The following TMTC2 variants were observed in gnomAD, a reference collection of about 807,000 sequenced individuals.
The protein encoded by TMTC2 is transmembrane O-mannosyltransferase targeting cadherins 2.
Under a neutral mutation model 82.4 loss-of-function variants are expected in TMTC2, and 43 were observed. That is an observed-to-expected ratio of 0.52 (90% CI 0.41 to 0.67). The LOEUF (loss-of-function observed/expected upper bound fraction) is 0.67, where lower values mean the gene tolerates loss of function less well. Among genes scored for constraint, TMTC2 ranks in the 30% least tolerant of loss-of-function variants. TMTC2 has a pLI of 0.00. For missense variants in TMTC2, 919 were observed against 1,012.4 expected (o/e 0.91, Z 1.25); for synonymous variants, 408 against 381.9 (o/e 1.07, Z -0.80).
At chr12:83,026,817 T>G (rs780576668) in intron 8 of TMTC2, among the ~76,000 whole-genome samples, 7 of 151,862 alleles carry the variant, frequency 4.6e-5, no homozygotes, top group Admixed American at 2.6e-4. Flanking sequence ...GGAGAGATGC[T>G]GCTTGCCTTG....
At chr12:82,927,695 C>A (rs951757436) in intron 3 of TMTC2, among the ~76,000 whole-genome samples, 3 of 152,198 alleles carry the variant, frequency 2.0e-5, no homozygotes, top group African/African-American at 7.2e-5. Flanking sequence ...GAAATTGTCA[C>A]AGCCACTCCA....
intron 2 of TMTC2, among the ~76,000 whole-genome samples, chr12:82,882,371 A>C (rs181285055): frequency 6.6e-6 from 1 of 152,250 alleles, no homozygotes; most frequent in Admixed American, 6.5e-5. Flanking sequence ...ATATCTTTCT[A>C]TATCAAAGGG....
chr12:83,003,670 T>C (rs1408963861), intron 8 of TMTC2, among the ~76,000 whole-genome samples: 1 of 152,182 alleles, frequency 6.6e-6, no homozygotes, highest in Admixed American at 6.5e-5. Flanking sequence ...CCTCCATTTA[T>C]GAAGTTTAGT....
At chr12:82,703,179 G>C (rs1873162511) in intron 1 of TMTC2, among the ~76,000 whole-genome samples, 1 of 152,138 alleles carries the variant, frequency 6.6e-6, no homozygotes, top group South Asian at 2.1e-4. Context: ...TCCAGTCTGG[G>C]CCAACAGAGT....
chr12:82,883,909 G>A (rs954811254), intron 2 of TMTC2, among the ~76,000 whole-genome samples: 5 of 152,052 alleles, frequency 3.3e-5, no homozygotes, highest in African/African-American at 1.2e-4. Context: ...TGTTTCTCAG[G>A]TCACAAAGGA....
intron 9 of TMTC2, among the ~76,000 whole-genome samples, chr12:83,039,585 A>G (rs2137437275): frequency 6.6e-6 from 1 of 152,168 alleles, no homozygotes; most frequent in African/African-American, 2.4e-5. Flanking sequence ...AGGGTACATG[A>G]TTATGTTTAT....
intron 11 of TMTC2, among the ~76,000 whole-genome samples, chr12:83,081,234 CAA>C (rs1429179180): frequency 6.6e-6 from 1 of 152,134 alleles, no homozygotes; most frequent in Non-Finnish European, 1.5e-5. Context: ...AGAAACATAC[CAA>C]AGAGTAAAAT....
At chr12:83,017,813 G>GAAAAAA (rs5799609) in intron 8 of TMTC2, among the ~76,000 whole-genome samples, 1 of 142,512 alleles carries the variant, frequency 7.0e-6, no homozygotes. Context: ...ATTTATAACT[G>GAAAAAA]AAAAAAAAAA....
At chr12:83,035,316 T>G (rs1881618904) in intron 9 of TMTC2, among the ~76,000 whole-genome samples, 1 of 152,200 alleles carries the variant, frequency 6.6e-6, no homozygotes, top group Non-Finnish European at 1.5e-5. Context: ...TTTAAAATTT[T>G]TTTCAGATTG....
chr12:82,805,497 CTTTTTTT>C (rs753878105), intron 1 of TMTC2, among the ~76,000 whole-genome samples: 13 of 90,578 alleles, frequency 1.4e-4, no homozygotes, highest in African/African-American at 4.8e-4. Flanking sequence ...CCTCTCCCCA[CTTTTTTT>C]TTTTTTTTTT....
At chr12:82,937,376 T>C (rs1003199097) in intron 4 of TMTC2, among the ~76,000 whole-genome samples, 3 of 152,186 alleles carry the variant, frequency 2.0e-5, no homozygotes, top group Admixed American at 6.5e-5. Flanking sequence ...GATGTTGTCC[T>C]GTGTATTTCT....
chr12:82,885,255 G>A (rs1873031195), intron 2 of TMTC2, among the ~76,000 whole-genome samples: 2 of 151,900 alleles, frequency 1.3e-5, no homozygotes, highest in South Asian at 4.2e-4. Context: ...TATATATTTA[G>A]CAGTATGTCT....
chr12:82,838,357 G>C (rs563213360), intron 1 of TMTC2, among the ~76,000 whole-genome samples: 10 of 152,296 alleles, frequency 6.6e-5, no homozygotes, highest in Non-Finnish European at 8.8e-5. Context: ...ATAGTTGTTT[G>C]TGAGCATAAT....
At chr12:82,782,659 TA>T (rs1177026147) in intron 1 of TMTC2, among the ~76,000 whole-genome samples, 1 of 152,186 alleles carries the variant, frequency 6.6e-6, no homozygotes, top group African/African-American at 2.4e-5. Flanking sequence ...AGCGTTTGGA[TA>T]GTCATTGAAC....
At chr12:82,819,035 T>A (rs1868919821) in intron 1 of TMTC2, among the ~76,000 whole-genome samples, 1 of 152,064 alleles carries the variant, frequency 6.6e-6, no homozygotes, top group Admixed American at 6.6e-5. Flanking sequence ...TCCTAATAAT[T>A]AGTCCAGTGG....
chr12:83,088,631 A>G (rs1483406040), intron 11 of TMTC2, among the ~76,000 whole-genome samples: 2 of 152,220 alleles, frequency 1.3e-5, no homozygotes, highest in African/African-American at 4.8e-5. Context: ...CAGCCAGTCT[A>G]TTGAGCAGTC....
chr12:83,031,498 A>G (rs1043836885), intron 9 of TMTC2, among the ~76,000 whole-genome samples: 2 of 152,218 alleles, frequency 1.3e-5, no homozygotes, highest in African/African-American at 4.8e-5. Flanking sequence ...GGCAAAGTAT[A>G]TAGCTGGTTT....
intron 4 of TMTC2, among the ~76,000 whole-genome samples, chr12:82,946,967 C>T (rs1796170): frequency 5.1e-4 from 78 of 152,194 alleles, no homozygotes; most frequent in Middle Eastern, 3.4e-3. Context: ...TGGTCTCGAT[C>T]TCCTGACCTC....
chr12:82,965,098 C>G lies in TMTC2; in HGVS notation c.1673C>G (p.Pro558Arg). ...HYYKLAIGSR[P>R]TLASAYLNTG... ...TATAAATTGGCCATTGGGAGCAGGC[C>G]TACCCTGGCTTGTAAGTAATACTCA... Residue 558 changes from proline (P) to arginine (R), a missense_variant, in exon 5 of 12, where the codon CCT becomes CGT. Pro to Arg is a moderately radical substitution (Grantham distance 103). Transcript: ENST00000321196. 6.2e-7 allele frequency: 1 copy of G among 1,610,062 alleles called. No homozygotes were observed. The highest frequency in any genetic ancestry group is 1.1e-5 in the South Asian group (1 of 90,548).
Sources: gnomAD v4.1 joint callset for allele counts (sites outside exome capture counted in the v4.1 genomes callset) on GRCh38, gnomAD v4.1.1 for gene constraint, MANE v1.5 for transcripts, NCBI Gene and HGNC (gene_info 2026-07-23, HGNC 2026-07-21) for gene names.